Variants in ZC3H12B observed in about 807,000 individuals in gnomAD.
ZC3H12B encodes the protein zinc finger CCCH-type containing 12B.
A neutral mutation model predicts 43.9 loss-of-function variants in ZC3H12B; 7 were observed. The ratio of observed to expected loss-of-function variants is 0.16; its 90% CI spans 0.09 to 0.30. The LOEUF (loss-of-function observed/expected upper bound fraction) is 0.30, where lower values mean the gene tolerates loss of function less well. ZC3H12B is among the 10% of genes least tolerant of loss of function. The pLI is 1.00. For missense variants in ZC3H12B, 475 were observed against 670.2 expected (o/e 0.71, Z 3.22); for synonymous variants, 222 against 241.7 (o/e 0.92, Z 0.76).
the ZC3H12B span, among the ~76,000 whole-genome samples, chrX:65,326,505 A>G: frequency 9.1e-6 from 1 of 110,396 alleles, no homozygotes; most frequent in Non-Finnish European, 1.9e-5. Flanking sequence ...CAGGCCAGGA[A>G]TAGTATAGGG....
At chrX:65,059,347 A>G in the ZC3H12B span, among the ~76,000 whole-genome samples, 1 of 109,903 alleles carries the variant, frequency 9.1e-6, no homozygotes, top group Non-Finnish European at 1.9e-5. Context: ...AGTAGTTTTA[A>G]ATTTTGAGGT....
At chrX:65,155,648 G>A in the ZC3H12B span, among the ~76,000 whole-genome samples, 12 of 111,119 alleles carry the variant, frequency 1.1e-4, no homozygotes, top group African/African-American at 3.6e-4. Flanking sequence ...GAGCCCAGGA[G>A]TTTGAGACCA....
the ZC3H12B span, among the ~76,000 whole-genome samples, chrX:65,071,815 C>T: frequency 6.3e-5 from 7 of 111,889 alleles, no homozygotes; most frequent in Middle Eastern, 4.7e-3. Flanking sequence ...CCTACTGAGG[C>T]GTCCACTGTT....
chrX:65,224,906 G>A, the ZC3H12B span, among the ~76,000 whole-genome samples: 1 of 112,258 alleles, frequency 8.9e-6, no homozygotes, highest in Non-Finnish European at 1.9e-5. Flanking sequence ...CACAGCTCAA[G>A]GAGGCCTGCC....
At chrX:65,210,041 T>C in the ZC3H12B span, among the ~76,000 whole-genome samples, 1 of 52,645 alleles carries the variant, frequency 1.9e-5, no homozygotes, top group Non-Finnish European at 2.7e-5. Context: ...CCAAAAGCAA[T>C]GGCAACAAAA....
At chrX:65,080,188 G>GA in the ZC3H12B span, among the ~76,000 whole-genome samples, 2,777 of 56,944 alleles carry the variant, frequency 0.049, 71 homozygotes, top group Non-Finnish European at 0.065. Flanking sequence ...GAAGACAAAA[G>GA]AAAAAAAAAA....
the ZC3H12B span, among the ~76,000 whole-genome samples, chrX:65,119,837 A>T: frequency 3.6e-5 from 4 of 112,006 alleles, no homozygotes; most frequent in African/African-American, 1.3e-4. Flanking sequence ...GGTGTAAGGA[A>T]GGGATCCAGT....
chrX:65,240,920 TTCTC>T, the ZC3H12B span, among the ~76,000 whole-genome samples: 38 of 111,851 alleles, frequency 3.4e-4, no homozygotes, highest in African/African-American at 1.2e-3. Flanking sequence ...GGGTGCTTCT[TTCTC>T]TAGGAGCTCT....
chrX:65,497,183 T>C (rs2068299943), exon 2 of ZC3H12B: 3 of 1,209,492 alleles, frequency 2.5e-6, no homozygotes, highest in African/African-American at 1.7e-5. Flanking sequence ...TTGCTGTGGA[T>C]TGGTTTCTAG....
chrX:65,451,202 G>C (rs746925902), intron 3 of ZC3H12B, among the ~76,000 whole-genome samples: 1 of 110,379 alleles, frequency 9.1e-6, no homozygotes, highest in Non-Finnish European at 1.9e-5. Flanking sequence ...CACACACCTC[G>C]GTATCCCAAA....
the ZC3H12B span, among the ~76,000 whole-genome samples, chrX:65,070,710 C>G: frequency 4.5e-5 from 5 of 110,172 alleles, no homozygotes; most frequent in Admixed American, 1.9e-4. Context: ...GGTTCAGGAG[C>G]CACTTGTCTA....
At chrX:65,141,784 A>G in the ZC3H12B span, among the ~76,000 whole-genome samples, 1 of 111,256 alleles carries the variant, frequency 9.0e-6, no homozygotes, top group African/African-American at 3.3e-5. Context: ...TCCATTCCTG[A>G]GTTACTTCAC....
At chrX:65,418,857 T>A in intron 3 of ZC3H12B, among the ~76,000 whole-genome samples, 1 of 111,738 alleles carries the variant, frequency 8.9e-6, no homozygotes, top group East Asian at 2.8e-4. Context: ...GGTATACTAC[T>A]GAAAACCTGT....
chrX:65,301,282 A>G, the ZC3H12B span, among the ~76,000 whole-genome samples: 2 of 111,873 alleles, frequency 1.8e-5, no homozygotes, highest in Non-Finnish European at 3.8e-5. Flanking sequence ...ATGGAGATTT[A>G]GTAAGGAACA....
the ZC3H12B span, among the ~76,000 whole-genome samples, chrX:65,108,575 A>G: frequency 9.1e-6 from 1 of 109,374 alleles, no homozygotes; most frequent in African/African-American, 3.3e-5. Flanking sequence ...GTCACCTACT[A>G]TGATAACAAT....
chrX:65,330,327 A>C, the ZC3H12B span, among the ~76,000 whole-genome samples: 1 of 111,610 alleles, frequency 9.0e-6, no homozygotes, highest in Non-Finnish European at 1.9e-5. Context: ...GGTTTTCTAG[A>C]TATACAATCA....
the ZC3H12B span, among the ~76,000 whole-genome samples, chrX:65,217,609 A>G: frequency 8.9e-6 from 1 of 112,497 alleles, no homozygotes; most frequent in Non-Finnish European, 1.9e-5. Context: ...TTTAACAAAG[A>G]TATTAAAATA....
chrX:65,306,667 G>T, the ZC3H12B span, among the ~76,000 whole-genome samples: 1 of 111,830 alleles, frequency 8.9e-6, no homozygotes, highest in South Asian at 3.7e-4. Flanking sequence ...GAGCCACTGC[G>T]CCCCGCTCAA....
chrX:65,283,641 G>C, the ZC3H12B span, among the ~76,000 whole-genome samples: 1 of 111,595 alleles, frequency 9.0e-6, no homozygotes, highest in Non-Finnish European at 1.9e-5. Flanking sequence ...GGAGGCTGCC[G>C]GGAAGCCTTG....
Sources: gnomAD v4.1 joint callset for allele counts (sites outside exome capture counted in the v4.1 genomes callset) on GRCh38, gnomAD v4.1.1 for gene constraint, MANE v1.5 for transcripts, NCBI Gene and HGNC (gene_info 2026-07-23, HGNC 2026-07-21) for gene names.